The following RNF144A variants were observed in gnomAD, a reference collection of about 807,000 sequenced individuals.
RNF144A encodes the protein E3 ubiquitin-protein ligase RNF144A.
Under a neutral mutation model 38.7 loss-of-function variants are expected in RNF144A, and 11 were observed. That is an observed-to-expected ratio of 0.28 (90% CI 0.18 to 0.47). The LOEUF (loss-of-function observed/expected upper bound fraction) is 0.47. Among genes scored for constraint, RNF144A ranks in the 20% least tolerant of loss-of-function variants. The pLI, the probability that RNF144A is intolerant of heterozygous loss-of-function variation, is 0.99. For synonymous variants in RNF144A, 149 were observed against 143.9 expected, an observed-to-expected ratio of 1.04 and a Z score of -0.25; for missense variants, 316 against 377.2, an observed-to-expected ratio of 0.84 and a Z score of 1.34.
chr2:6,961,243 T>A (rs990495988), intron 2 of RNF144A, among the ~76,000 whole-genome samples: 1 of 152,176 alleles, frequency 6.6e-6, no homozygotes, highest in Non-Finnish European at 1.5e-5. Context: ...TATTGCTTCA[T>A]AGGCATTTAA....
rs996377104 is a variant in RNF144A, at chr2:7,042,880, T to C, written c.*3120T>C. 4 of 983,208 alleles carry C rather than the reference T, an allele frequency of 4.1e-6. No individual in the cohort carries two copies. The African/African-American group carries it at 5.2e-5, about 13-fold the overall frequency. The allele number at this position is 983,208 out of a possible 1,614,324, so 60.9% of individuals were successfully genotyped here. A position where few individuals can be genotyped will look rare whatever the true frequency, so the allele number is the denominator to read the frequency against. On this transcript the variant is annotated 3_prime_UTR_variant, in exon 9 of 9. Transcript: ENST00000320892. Reference sequence around the variant, plus strand: ...CTGGCATTTTCTTTCTTTTTTTTTCTTTTTGAGACGGAGTTTCGCTTTTGT... The same window carrying C: ...CTGGCATTTTCTTTCTTTTTTTTTCCTTTTGAGACGGAGTTTCGCTTTTGT...
At chr2:6,975,510 G>A (rs1273981438) in intron 2 of RNF144A, among the ~76,000 whole-genome samples, 1 of 152,198 alleles carries the variant, frequency 6.6e-6, no homozygotes, top group Non-Finnish European at 1.5e-5. Context: ...GCCATGTTAA[G>A]TAACTCCTTC....
At chr2:6,959,199 GGA>G (rs1214223604) in intron 2 of RNF144A, among the ~76,000 whole-genome samples, 1 of 152,138 alleles carries the variant, frequency 6.6e-6, no homozygotes, top group Non-Finnish European at 1.5e-5. Context: ...GCAACTCCAG[GGA>G]GTTCTGATCT....
At chr2:6,963,327 A>C (rs544834152) in intron 2 of RNF144A, among the ~76,000 whole-genome samples, 11 of 152,346 alleles carry the variant, frequency 7.2e-5, no homozygotes, top group Non-Finnish European at 1.6e-4. Flanking sequence ...AATATGCAAC[A>C]CATTCTGATC....
At position 6,941,807 on chromosome 2, in the gene RNF144A, G is replaced by A. The variant is rs555282333; in HGVS notation, c.-12+660G>A. 1.4e-4 allele frequency among the ~76,000 whole-genome samples: 22 copies of A among 152,358 alleles called. No homozygotes were observed. Among genetic ancestry groups the A allele is most frequent in the East Asian group, 7.7e-4 (4 of 5,184 alleles). Reference sequence around the variant, plus strand: ...AGCCACTTAGCATCTGGGCAAGAGCGCTGTAGACAGAAGGGCTGGTGGCTG... The same window carrying A: ...AGCCACTTAGCATCTGGGCAAGAGCACTGTAGACAGAAGGGCTGGTGGCTG... On this transcript the variant is annotated intron_variant, in intron 2 of 8. Coordinates refer to ENST00000320892, the MANE Select transcript of RNF144A (RefSeq NM_014746.6). The surrounding 1 kb of genome is among the most constrained non-coding windows in gnomAD (Gnocchi z 6.5).
chr2:6,977,481 G>A (rs978730635), intron 2 of RNF144A, among the ~76,000 whole-genome samples: 3 of 152,206 alleles, frequency 2.0e-5, no homozygotes, highest in African/African-American at 7.2e-5. Flanking sequence ...CTGCAGAGAG[G>A]ATCGCACCTC....
intron 1 of RNF144A, among the ~76,000 whole-genome samples, chr2:6,930,209 A>G (rs1003207637): frequency 3.3e-5 from 5 of 152,222 alleles, no homozygotes; most frequent in African/African-American, 7.2e-5. Context: ...TGCTCTAATT[A>G]GATAAGATTT....
intron 2 of RNF144A, among the ~76,000 whole-genome samples, chr2:6,942,971 C>T (rs900756711): frequency 6.6e-6 from 1 of 152,130 alleles, no homozygotes; most frequent in Non-Finnish European, 1.5e-5. Context: ...GTGACAAAAG[C>T]GAGACTCCAT....
chr2:7,002,402 G>A (rs1333606188), intron 3 of RNF144A, among the ~76,000 whole-genome samples: 2 of 152,186 alleles, frequency 1.3e-5, no homozygotes, highest in African/African-American at 4.8e-5. Flanking sequence ...TTTGCAGTGT[G>A]GATAGTGGGT....
At position 6,958,440 on chromosome 2, in the gene RNF144A, G is replaced by A. The variant is rs1374031909; in HGVS notation, c.-12+17293G>A. Among the ~76,000 whole-genome samples, 1 of 152,148 alleles carries A rather than the reference G, an allele frequency of 6.6e-6. No homozygotes were observed. Among genetic ancestry groups the A allele is most frequent in the African/African-American group, 2.4e-5 (1 of 41,424 alleles). ...GGTAGAGCAGCTGATTAAAGTTCTC[G>A]GGCCAGATGTCTTAGTGATTCATGG... On this transcript the variant is annotated intron_variant, in intron 2 of 8. Transcript: ENST00000320892. This position sits in a 1 kb window ranked among gnomAD's most constrained non-coding sequence, Gnocchi z 4.5.
intron 2 of RNF144A, among the ~76,000 whole-genome samples, chr2:6,992,823 ACCTCTTTCAT>A (rs1342529851): frequency 5.3e-5 from 8 of 152,158 alleles, no homozygotes; most frequent in Non-Finnish European, 2.9e-5. Flanking sequence ...TTGTGTCCAC[ACCTCTTTCAT>A]CACAAGGCAC....
chr2:6,996,387 GA>G (rs1669741961), intron 2 of RNF144A, among the ~76,000 whole-genome samples: 1 of 152,178 alleles, frequency 6.6e-6, no homozygotes, highest in South Asian at 2.1e-4. Flanking sequence ...GGGAGGGAGG[GA>G]AGGATGGGTG....
chr2:7,021,676 C>G (rs1027369837), intron 6 of RNF144A, among the ~76,000 whole-genome samples: 4 of 152,222 alleles, frequency 2.6e-5, no homozygotes, highest in African/African-American at 9.7e-5. Context: ...TGATTACAAC[C>G]CTGGACATAT....
At chr2:7,023,961 G>C (rs1355264876) in intron 6 of RNF144A, among the ~76,000 whole-genome samples, 3 of 152,170 alleles carry the variant, frequency 2.0e-5, no homozygotes, top group African/African-American at 4.8e-5. Flanking sequence ...TCTTATAACA[G>C]CAAAGTACAT....
At chr2:7,025,547 C>G (rs1029303772) in intron 7 of RNF144A, among the ~76,000 whole-genome samples, 3 of 152,114 alleles carry the variant, frequency 2.0e-5, no homozygotes, top group Non-Finnish European at 4.4e-5. Context: ...TGGCATGCAC[C>G]TGTAGTCCCA....
intron 3 of RNF144A, among the ~76,000 whole-genome samples, chr2:7,004,936 A>G (rs1233016784): frequency 2.0e-5 from 3 of 152,248 alleles, no homozygotes; most frequent in Non-Finnish European, 4.4e-5. Context: ...ATGCTCACAC[A>G]TTACATACTT....
chr2:6,945,796 A>G (rs1666301805), intron 2 of RNF144A, among the ~76,000 whole-genome samples: 1 of 152,102 alleles, frequency 6.6e-6, no homozygotes, highest in Non-Finnish European at 1.5e-5. Context: ...CCAGAGTAGA[A>G]CTAAGACAAT....
chr2:6,928,908 G>C (rs774560746), intron 1 of RNF144A, among the ~76,000 whole-genome samples: 5 of 152,136 alleles, frequency 3.3e-5, no homozygotes, highest in Non-Finnish European at 7.4e-5. Context: ...CACTTCTGGG[G>C]GTTCTGCGTG....
intron 6 of RNF144A, among the ~76,000 whole-genome samples, chr2:7,056,500 C>T (rs1191436526): frequency 4.6e-5 from 7 of 152,158 alleles, no homozygotes; most frequent in Admixed American, 3.9e-4. Context: ...AGTACTTCAG[C>T]CACACACCAA....
Sources: allele counts gnomAD v4.1 joint callset (sites outside exome capture counted in the v4.1 genomes callset), GRCh38; gene constraint gnomAD v4.1.1; non-coding constraint Gnocchi (gnomAD v3.1); transcripts MANE v1.5; gene names NCBI Gene and HGNC (gene_info 2026-07-23, HGNC 2026-07-21).